The following PLXNB3 variants were observed in gnomAD, a reference collection of about 807,000 sequenced individuals.
PLXNB3 encodes the protein plexin-B3.
PLXNB3 carries 80 observed loss-of-function variants against 125.7 expected under a neutral mutation model. The observed-to-expected ratio is 0.64, with a 90% CI of 0.53 to 0.77. The LOEUF (loss-of-function observed/expected upper bound fraction) is 0.77, where lower values mean the gene tolerates loss of function less well. PLXNB3 is among the 30% of genes least tolerant of loss of function. PLXNB3 has a pLI of 0.00. For synonymous variants in PLXNB3, 954 were observed against 783.3 expected (o/e 1.22, Z -3.64); for missense variants, 1,836 against 1,729.3 (o/e 1.06, Z -1.09).
chrX:153,766,729 C>A, intron 2 of PLXNB3, 144 bp from the exon 3 acceptor site: 13 of 1,051,007 alleles, frequency 1.2e-5, no homozygotes, highest in Non-Finnish European at 1.6e-5. Flanking sequence ...CTTGTCTCCG[C>A]TCACTCTCTC....
chrX:153,773,196 G>C (rs1001444808), intron 17 of PLXNB3, 34 bp from the exon 18 acceptor site: 1 of 1,165,298 alleles, frequency 8.6e-7, no homozygotes, highest in Admixed American at 2.4e-5. Flanking sequence ...GGGTGGTAGA[G>C]CCGAGATGAG....
Position 153,779,240 on chromosome X carries a change from A to G in PLXNB3, c.*201A>G, listed in dbSNP as rs2092028305. 3.6e-6 allele frequency: 1 copy of G among 277,445 alleles called. No homozygotes were observed. Among genetic ancestry groups the G allele is most frequent in the East Asian group, 5.1e-5 (1 of 19,547 alleles). The allele number at this position is 277,445 out of a possible 1,213,427, so 22.9% of individuals were successfully genotyped here. ...CTTCCCCCCACCTGAGATTGTTTCTAATTTATAAGGATCCCCCTCCTTCCC... is the reference window on the plus strand; with the variant it reads ...CTTCCCCCCACCTGAGATTGTTTCTGATTTATAAGGATCCCCCTCCTTCCC... On this transcript the variant is annotated 3_prime_UTR_variant, in exon 36 of 36. Coordinates refer to ENST00000361971, the MANE Select transcript of PLXNB3 (RefSeq NM_005393.3).
rs1557062141 is a variant in PLXNB3 at position 153,772,016 on chromosome X, G to A, written c.2669+1G>A. On this transcript the variant is annotated splice_donor_variant, in intron 15 of 35. Transcript: ENST00000361971. LOFTEE classifies it high-confidence loss of function. ...CCTCTCTCTACCGCACGTCGGCCCG[G>A]TGAGGCACTTGGAGGGTGAAGATGG... is the stretch of plus-strand genomic sequence containing the variant. 1 of 1,188,832 alleles carries A rather than the reference G, an allele frequency of 8.4e-7. No homozygotes were observed. Among genetic ancestry groups the A allele is most frequent in the Non-Finnish European group, 1.1e-6 (1 of 882,841 alleles).
rs782243052 is a variant in PLXNB3, at chrX:153,770,956, C to T, written c.2137-9C>T. The T allele has an allele frequency of 8.3e-7, 1 of 1,208,469 alleles. No individual in the cohort carries two copies. Among genetic ancestry groups the T allele is most frequent in the African/African-American group, 1.7e-5 (1 of 57,571 alleles). Reference sequence around the variant, plus strand: ...GCGTGTCCACACTCCTGACAGCGTCCTTCCCCAGGGCCTGCCTGCCTCCTT... The same window carrying T: ...GCGTGTCCACACTCCTGACAGCGTCTTTCCCCAGGGCCTGCCTGCCTCCTT... On this transcript the variant is annotated splice_polypyrimidine_tract_variant and intron_variant, in intron 11 of 35. Transcript: ENST00000361971.
rs1413115715 is a variant in PLXNB3, at chrX:153,774,132, T to C, written c.3519+34T>C. The C allele has an allele frequency of 3.3e-6, 4 of 1,197,262 alleles. No individual in the cohort carries two copies. The African/African-American group carries it at 7.0e-5, about 21-fold the overall frequency. On this transcript the variant is annotated intron_variant, in intron 20 of 35. Coordinates refer to ENST00000361971, the MANE Select transcript of PLXNB3 (RefSeq NM_005393.3). ...CACCTTCAACCCTGCCCCGCCACGG[T>C]GCTCAGGCCGCCTCTGTGGGGGCCA...
rs2091959554 is a variant in PLXNB3, at chrX:153,773,922, G to A, written c.3343G>A (p.Asp1115Asn). The change falls in exon 20 of 36, where the codon GAC becomes AAC. Residue 1115 changes from aspartate (D) to asparagine (N), a missense_variant. Physicochemically the swap from Asp to Asn is conservative, Grantham distance 23 (BLOSUM62 1). Transcript: ENST00000361971. The stretch of plus-strand genomic sequence containing the variant: ...CCTGTGCCGGAGCCCTGCTGTACCA[G>A]ACAGAGCCCACCCGCAGCGGGTCTT... ...LLLCRSPAVPDRAHPQRVFFT... is the reference protein window; with the variant it reads ...LLLCRSPAVPNRAHPQRVFFT... The A allele has an allele frequency of 8.3e-7, 1 of 1,211,307 alleles. No individual in the cohort carries two copies. Among genetic ancestry groups the A allele is most frequent in the Non-Finnish European group, 1.1e-6 (1 of 895,427 alleles).
Position 153,777,958 on chromosome X carries a change from C to A in PLXNB3, c.5272C>A (p.Arg1758=). The A allele has an allele frequency of 8.3e-7, 1 of 1,207,426 alleles. No individual in the cohort carries two copies. The highest frequency in any genetic ancestry group is 1.1e-6 in the Non-Finnish European group (1 of 892,819). Residue 1758 remains arginine, a synonymous_variant, in exon 32 of 36, where the codon CGG becomes AGG. Transcript: ENST00000361971. ...HIWKTNSLLL[R]FWVNALKNPQ... ...GCCCTGCGCCCCCAGTCTGCTGCTGCGGTTCTGGGTGAATGCCTTGAAGAA... is the reference window on the plus strand; with the variant it reads ...GCCCTGCGCCCCCAGTCTGCTGCTGAGGTTCTGGGTGAATGCCTTGAAGAA...
intron 2 of PLXNB3, chrX:153,765,795 C>T: frequency 4.0e-6 from 3 of 754,757 alleles, no homozygotes; most frequent in Non-Finnish European, 4.7e-6. Flanking sequence ...GCTGCTCTGC[C>T]CTGAGTCGCA....
rs144016495 is a variant in PLXNB3, at chrX:153,769,033, T to A, written c.1352T>A (p.Leu451Gln). 3.3e-6 allele frequency: 4 copies of A among 1,209,628 alleles called. No homozygotes were observed. Among genetic ancestry groups the A allele is most frequent in the Non-Finnish European group, 4.5e-6 (4 of 894,355 alleles). Reference protein sequence around the residue: ...PGSAISPDLLLDSSGSHLYVL... With the variant: ...PGSAISPDLLQDSSGSHLYVL... ...TCAGCCATCAGCCCAGACCTGCTGC[T>A]GGACAGCAGTGGCAGTCACCTCTAT... The change falls in exon 5 of 36, where the codon CTG (leucine) becomes CAG (glutamine). Residue 451 changes from leucine (L) to glutamine (Q), a missense_variant. Coordinates refer to ENST00000361971, the MANE Select transcript of PLXNB3 (RefSeq NM_005393.3).
At chrX:153,775,729 C>G in intron 26 of PLXNB3, 69 bp downstream of exon 26, 1 of 1,103,108 alleles carries the variant, frequency 9.1e-7, no homozygotes, top group Non-Finnish European at 1.2e-6. Flanking sequence ...CATGAGGGGG[C>G]TACTGCCTGC....
Position 153,767,427 on chromosome X carries a change from G to A in PLXNB3, c.600G>A (p.Val200=), listed in dbSNP as rs782463561. 5.9e-6 allele frequency: 7 copies of A among 1,183,570 alleles called. No individual in the cohort carries two copies. The Admixed American group carries it at 9.1e-5, about 15-fold the overall frequency. Residue 200 remains valine (V), a synonymous_variant, in exon 3 of 36, where the codon GTG becomes GTA. Coordinates refer to ENST00000361971, the MANE Select transcript of PLXNB3 (RefSeq NM_005393.3). ...TGGCGGGCAAGCTGTCGGCAGGGGT[G>A]CCACCCCTGGCCATCCGCCAGCTGG... ...RGLAGKLSAG[V]PPLAIRQLAG... is the part of the protein sequence containing the mutation.
At chrX:153,772,123 G>GGGTGGAGAAGGTGCGCTCGGTAGCAGCC (rs370958466) in intron 15 of PLXNB3, 59 bp from the exon 16 acceptor site, 1 of 1,135,304 alleles carries the variant, frequency 8.8e-7, no homozygotes. Flanking sequence ...GTCAGGGGAG[G>GGGTGGAGAAGGTGCGCTCGGTAGCAGCC]GGTGGGCTGT....
At chrX:153,776,852 G>A in intron 28 of PLXNB3, 35 bp from the exon 29 acceptor site, 2 of 1,007,430 alleles carry the variant, frequency 2.0e-6, no homozygotes, top group Non-Finnish European at 2.7e-6. Context: ...GCCTGGCTAG[G>A]GGTCAGCACA....
chrX:153,766,257 C>G, intron 2 of PLXNB3: 2 of 1,166,347 alleles, frequency 1.7e-6, no homozygotes, highest in Non-Finnish European at 2.3e-6. Flanking sequence ...TTGCTCAGCC[C>G]GCGGCTGCCT....
chrX:153,769,490 C>T (rs1402692686), intron 6 of PLXNB3, among the ~76,000 whole-genome samples: 1 of 112,552 alleles, frequency 8.9e-6, no homozygotes, highest in Non-Finnish European at 1.9e-5. Context: ...CCAGCAGCCC[C>T]AGCCAGGGTC....
intron 4 of PLXNB3, 69 bp from the exon 5 acceptor site, chrX:153,768,879 G>A (rs2091890461): frequency 1.8e-6 from 2 of 1,139,741 alleles, no homozygotes; most frequent in Non-Finnish European, 2.4e-6. Context: ...CCACTAGGAG[G>A]AGGGCGTGTC....
intron 2 of PLXNB3, chrX:153,766,425 C>A: frequency 9.3e-7 from 1 of 1,074,761 alleles, no homozygotes; most frequent in Non-Finnish European, 1.2e-6. Flanking sequence ...CGCAGGGGCG[C>A]GCTGTGACAC....
rs782328918 is a variant in PLXNB3 at position 153,773,403 on chromosome X, G to A, written c.3080G>A (p.Arg1027Gln). ...LVAAEPSASF[R>Q]GGGRLIRVRG... ...GCGGCGGAGCCCAGTGCCAGCTTCC[G>A]GGGGTGAGGGTCAGCCCGCAGGCCA... Residue 1027 changes from arginine to glutamine, a missense_variant, in exon 18 of 36, where the codon CGG becomes CAG. Arg to Gln is a conservative substitution (Grantham distance 43, BLOSUM62 1). Coordinates refer to ENST00000361971, the MANE Select transcript of PLXNB3 (RefSeq NM_005393.3). The A allele has an allele frequency of 5.6e-5, 67 of 1,199,920 alleles. 2 individuals carry two copies. In the South Asian group the frequency reaches 9.9e-4, roughly 18 times the overall value.
In PLXNB3 at chrX:153,770,742, G is replaced by A. The variant is rs781868506; in HGVS notation, c.2011-16G>A. The A allele has an allele frequency of 2.5e-6, 3 of 1,203,052 alleles. No individual in the cohort carries two copies. The highest frequency in any genetic ancestry group is 3.5e-5 in the African/African-American group (2 of 57,530). On this transcript the variant is annotated splice_polypyrimidine_tract_variant and intron_variant, in intron 10 of 35. Coordinates refer to ENST00000361971, the MANE Select transcript of PLXNB3 (RefSeq NM_005393.3). The stretch of plus-strand genomic sequence containing the variant: ...CCCTTTGAGTTCTGAAGGGCTGAGG[G>A]CTCTTGTTTTCCCAGGTGGACATCC...
Sources: gnomAD v4.1 joint callset for allele counts (sites outside exome capture counted in the v4.1 genomes callset) on GRCh38, gnomAD v4.1.1 for gene constraint, MANE v1.5 for transcripts, NCBI Gene and HGNC (gene_info 2026-07-23, HGNC 2026-07-21) for gene names.